NEBL: variants seen among roughly 807,000 people sequenced by gnomAD.
NEBL encodes LIM and SH3 protein 2.
A neutral mutation model predicts 140.2 loss-of-function variants in NEBL; 122 were observed. That is an observed-to-expected ratio of 0.87 (90% CI 0.75 to 1.01). The LOEUF (loss-of-function observed/expected upper bound fraction) is 1.01. NEBL is among the 50% of genes least tolerant of loss of function. The pLI, the probability that NEBL is intolerant of heterozygous loss-of-function variation, is 0.00. For missense variants in NEBL, 1,365 were observed against 1,231.3 expected (o/e 1.11, Z -1.62); for synonymous variants, 436 against 398.9 (o/e 1.09, Z -1.11).
chr10:21,160,810 T>A (rs953091102), intron 2 of NEBL, among the ~76,000 whole-genome samples: 1 of 151,476 alleles, frequency 6.6e-6, no homozygotes, highest in Non-Finnish European at 1.5e-5. Flanking sequence ...TGACCATTAA[T>A]CCCTGATTAA....
rs1838682348 is a variant in NEBL, at chr10:20,815,940, T to G, written c.2149-223A>C. 5 of 504,428 alleles carry G rather than the reference T, an allele frequency of 9.9e-6. No individual in the cohort carries two copies. The East Asian group carries it at 1.9e-4, about 19-fold the overall frequency. The allele number at this position is 504,428 out of a possible 1,614,324, so 31.2% of individuals were successfully genotyped here. On this transcript the variant is annotated intron_variant, in intron 21 of 27. Transcript: ENST00000377122. The stretch of plus-strand genomic sequence containing the variant: ...CCTGCCACCATGCCTGGCTAATTTT[T>G]GTATTTTTGTAGAGATTGAGTTTTG...
In NEBL at chr10:21,120,466, C is replaced by T. The variant is rs556015676; in HGVS notation, c.164+51917G>A. 3.9e-4 allele frequency among the ~76,000 whole-genome samples: 53 copies of T among 136,454 alleles called. 1 individual carries two copies. In the South Asian group the frequency reaches 8.6e-3, roughly 22 times the overall value. The allele number at this position is 136,454 out of a possible 152,430, so 89.5% of individuals were successfully genotyped here. ...TAAAGTATTCCCCATCATAAAGGTG[C>T]ATTTCATCTTTGTAACTAAGTAGTC... On this transcript the variant is annotated intron_variant, in intron 2 of 6. Transcript: ENST00000417816.
At chr10:20,938,750 G>C (rs547120887) in intron 4 of NEBL, among the ~76,000 whole-genome samples, 1 of 152,224 alleles carries the variant, frequency 6.6e-6, no homozygotes, top group South Asian at 2.1e-4. Context: ...CAAAGGACCT[G>C]ATGGAGCTGA....
At chr10:20,866,419 C>T (rs1844298086) in intron 7 of NEBL, among the ~76,000 whole-genome samples, 1 of 152,146 alleles carries the variant, frequency 6.6e-6, no homozygotes. Context: ...GGAAAAATTA[C>T]ATATATGAAC....
At chr10:20,931,941 A>G (rs550279844) in intron 4 of NEBL, among the ~76,000 whole-genome samples, 1 of 152,228 alleles carries the variant, frequency 6.6e-6, no homozygotes, top group South Asian at 2.1e-4. Context: ...CTAACAGCAT[A>G]TTCTTTCATG....
intron 3 of NEBL, among the ~76,000 whole-genome samples, chr10:20,992,225 C>CA (rs1837484574): frequency 1.3e-5 from 2 of 152,290 alleles, no homozygotes; most frequent in Admixed American, 6.5e-5. Flanking sequence ...TGTATATGAA[C>CA]ATTTTTTATG....
intron 4 of NEBL, among the ~76,000 whole-genome samples, chr10:20,907,480 C>T (rs1308690115): frequency 6.6e-6 from 1 of 152,104 alleles, no homozygotes; most frequent in African/African-American, 2.4e-5. Flanking sequence ...CGATAATTCT[C>T]TATCTAAATA....
At chr10:21,065,670 C>T (rs1835500518) in intron 2 of NEBL, among the ~76,000 whole-genome samples, 1 of 152,190 alleles carries the variant, frequency 6.6e-6, no homozygotes, top group Non-Finnish European at 1.5e-5. Context: ...ATTTATTGAG[C>T]ACCTGCTATG....
rs752502642 is a variant in NEBL at position 20,945,164 on chromosome 10, A to G, written c.357+16508T>C. Among the ~76,000 whole-genome samples, 62 of 152,302 alleles carry G rather than the reference A, an allele frequency of 4.1e-4. 1 individual carries two copies. The highest frequency in any genetic ancestry group is 7.1e-4 in the Non-Finnish European group (48 of 68,010). ...TTCCCTACATGCGAAGTTTTTTGCC[A>G]CCCACCATTCACCACTGCCAAGTCA... On this transcript the variant is annotated intron_variant, in intron 4 of 6. Transcript: ENST00000417816.
intron 2 of NEBL, among the ~76,000 whole-genome samples, chr10:21,069,088 T>C (rs553729093): frequency 6.6e-6 from 1 of 152,248 alleles, no homozygotes; most frequent in South Asian, 2.1e-4. Flanking sequence ...AGTGTCTCAC[T>C]ATGTGGCCCA....
chr10:21,278,911 T>C lies in NEBL; in HGVS notation n.182+13919A>G, dbSNP rs575319847. ...CCAACGTTGCCTCCAGGGGGCGCTA[T>C]ACCCCTTGTATTGTATGTGCATGGC... is the stretch of plus-strand genomic sequence containing the variant. On this transcript the variant is annotated intron_variant and non_coding_transcript_variant, in intron 1 of 8. Coordinates refer to the NEBL transcript ENST00000675702. Among the ~76,000 whole-genome samples, 190 of 152,206 alleles carry C rather than the reference T, an allele frequency of 1.2e-3. 1 individual carries two copies. Among genetic ancestry groups the C allele is most frequent in the Non-Finnish European group, 1.9e-3 (126 of 68,018 alleles).
At chr10:20,875,683 G>A (rs751723784) in intron 5 of NEBL, among the ~76,000 whole-genome samples, 5 of 152,142 alleles carry the variant, frequency 3.3e-5, no homozygotes, top group Non-Finnish European at 1.5e-5. Context: ...TGAGAAGATT[G>A]AGACAGCTCA....
chr10:20,791,980 T>C (rs1479725380), intron 26 of NEBL, among the ~76,000 whole-genome samples: 1 of 151,980 alleles, frequency 6.6e-6, no homozygotes, highest in Non-Finnish European at 1.5e-5. Context: ...CAACAGAGGC[T>C]GAGAGATTGA....
upstream of NEBL, among the ~76,000 whole-genome samples, chr10:20,900,073 T>C (rs1000375682): frequency 1.3e-5 from 2 of 152,216 alleles, no homozygotes; most frequent in Admixed American, 1.3e-4. Context: ...AAATCCCCTA[T>C]CGACTTTTCC....
chr10:21,262,680 A>G (rs1436948520), intron 1 of NEBL, among the ~76,000 whole-genome samples: 1 of 152,202 alleles, frequency 6.6e-6, no homozygotes, highest in Non-Finnish European at 1.5e-5. Flanking sequence ...AGAGAAGGCC[A>G]GGCTTGTGTC....
chr10:20,939,759 A>G (rs1834740077), intron 4 of NEBL, among the ~76,000 whole-genome samples: 1 of 152,212 alleles, frequency 6.6e-6, no homozygotes, highest in African/African-American at 2.4e-5. Flanking sequence ...GCAAATGGAA[A>G]ATATAAAAAG....
intron 4 of NEBL, among the ~76,000 whole-genome samples, chr10:20,882,626 T>C (rs545424094): frequency 2.0e-5 from 3 of 152,294 alleles, no homozygotes; most frequent in South Asian, 4.1e-4. Context: ...AAACTCTTCA[T>C]TGGCTTTTAT....
At chr10:21,079,813 A>G (rs1434015264) in intron 2 of NEBL, among the ~76,000 whole-genome samples, 1 of 152,154 alleles carries the variant, frequency 6.6e-6, no homozygotes, top group Non-Finnish European at 1.5e-5. Flanking sequence ...GACATATAAG[A>G]TCATTATTTG....
At chr10:21,192,459 TG>T (rs541578099) in intron 3 of NEBL, among the ~76,000 whole-genome samples, 51 of 151,742 alleles carry the variant, frequency 3.4e-4, no homozygotes, top group African/African-American at 1.2e-3. Context: ...CCCAAAATGC[TG>T]GGATTACAGG....
Sources: gnomAD v4.1 joint callset for allele counts (sites outside exome capture counted in the v4.1 genomes callset) on GRCh38, gnomAD v4.1.1 for gene constraint, MANE v1.5 for transcripts, NCBI Gene and HGNC (gene_info 2026-07-23, HGNC 2026-07-21) for gene names.